The following SLC44A3 variants were observed in gnomAD, a reference collection of about 807,000 sequenced individuals.
SLC44A3 encodes solute carrier family 44 member 3.
A neutral mutation model predicts 75.4 loss-of-function variants in SLC44A3; 74 were observed. The observed-to-expected ratio is 0.98, with a 90% confidence interval of 0.81 to 1.19. The LOEUF is 1.19. Ranked by LOEUF, SLC44A3 falls within the 50% of genes most tolerant of loss-of-function variation. SLC44A3 has a pLI of 0.00. For synonymous variants in SLC44A3, 310 were observed against 296.9 expected, an observed-to-expected ratio of 1.04 and a Z score of -0.45; for missense variants, 700 against 778.6, an observed-to-expected ratio of 0.90 and a Z score of 1.20.
chr1:94,822,801 C>T (rs1025850849), intron 2 of SLC44A3, among the ~76,000 whole-genome samples: 1 of 152,186 alleles, frequency 6.6e-6, no homozygotes, highest in African/African-American at 2.4e-5. Context: ...TTGACAGTGA[C>T]TACCTTGGTG....
At chr1:94,837,973 T>C in intron 6 of SLC44A3, 102 bp downstream of exon 6, 1 of 1,067,456 alleles carries the variant, frequency 9.4e-7, no homozygotes, top group Non-Finnish European at 1.3e-6. Context: ...GTTTTAAATA[T>C]AAAACTCTGT....
chr1:94,877,272 G>A (rs1027263521), intron 12 of SLC44A3, among the ~76,000 whole-genome samples: 1 of 151,984 alleles, frequency 6.6e-6, no homozygotes, highest in Non-Finnish European at 1.5e-5. Context: ...CAAGGTGTTT[G>A]GTCTATATTG....
intron 9 of SLC44A3, among the ~76,000 whole-genome samples, chr1:94,851,372 C>T (rs1291714748): frequency 6.6e-6 from 1 of 152,206 alleles, no homozygotes; most frequent in Non-Finnish European, 1.5e-5. Flanking sequence ...AGCAGTTCTG[C>T]TCTCCAGGCC....
intron 9 of SLC44A3, among the ~76,000 whole-genome samples, chr1:94,851,434 C>G (rs1476347122): frequency 1.3e-5 from 2 of 152,148 alleles, no homozygotes; most frequent in Non-Finnish European, 2.9e-5. Flanking sequence ...ATATGCATCC[C>G]TTAGTGATAA....
At chr1:94,872,375 T>G (rs1190862691) in intron 12 of SLC44A3, among the ~76,000 whole-genome samples, 4 of 152,062 alleles carry the variant, frequency 2.6e-5, no homozygotes, top group Non-Finnish European at 5.9e-5. Flanking sequence ...GAATTACAGG[T>G]GTGAGCCACC....
intron 12 of SLC44A3, among the ~76,000 whole-genome samples, chr1:94,887,824 G>C (rs752869354): frequency 6.6e-6 from 1 of 152,078 alleles, no homozygotes; most frequent in African/African-American, 2.4e-5. Flanking sequence ...ACGATGCTGG[G>C]GGCTGGCAGG....
At chr1:94,831,119 G>C (rs1321348277) in intron 5 of SLC44A3, among the ~76,000 whole-genome samples, 1 of 152,188 alleles carries the variant, frequency 6.6e-6, no homozygotes. Flanking sequence ...CAAGCTGGGA[G>C]AAAGAGTCTC....
intron 7 of SLC44A3, among the ~76,000 whole-genome samples, chr1:94,840,582 G>A (rs927808163): frequency 1.1e-4 from 17 of 152,232 alleles, no homozygotes; most frequent in South Asian, 2.1e-4. Flanking sequence ...GAGTCACCAC[G>A]TCCAGCCATA....
At chr1:94,870,690 T>C (rs1667662491) in intron 12 of SLC44A3, among the ~76,000 whole-genome samples, 1 of 152,016 alleles carries the variant, frequency 6.6e-6, no homozygotes, top group Admixed American at 6.5e-5. Flanking sequence ...GTTTTTGTTT[T>C]CTTTTGTTTG....
At chr1:94,847,266 C>T (rs189767831) in intron 9 of SLC44A3, among the ~76,000 whole-genome samples, 36 of 152,336 alleles carry the variant, frequency 2.4e-4, no homozygotes, top group African/African-American at 7.2e-4. Context: ...CTCAGGCACC[C>T]GCTTTCTTCT....
At chr1:94,837,645 A>T in intron 5 of SLC44A3, 66 bp from the exon 6 acceptor site, 1 of 1,464,870 alleles carries the variant, frequency 6.8e-7, no homozygotes, top group South Asian at 1.4e-5. Flanking sequence ...GAGAATGTTA[A>T]ATAAACATCT....
intron 12 of SLC44A3, among the ~76,000 whole-genome samples, chr1:94,887,826 G>C (rs77620855): frequency 0.014 from 2,087 of 152,230 alleles, 29 homozygotes; most frequent in South Asian, 0.024. Context: ...GATGCTGGGG[G>C]CTGGCAGGTG....
intron 10 of SLC44A3, among the ~76,000 whole-genome samples, chr1:94,860,129 C>T (rs538384281): frequency 3.9e-5 from 6 of 152,168 alleles, no homozygotes; most frequent in Admixed American, 6.5e-5. Flanking sequence ...TTAGGGAAAA[C>T]GGAGACAATG....
At chr1:94,822,001 T>C (rs560539350) in intron 2 of SLC44A3, among the ~76,000 whole-genome samples, 2 of 152,200 alleles carry the variant, frequency 1.3e-5, no homozygotes, top group Non-Finnish European at 1.5e-5. Context: ...GTTGGAACTC[T>C]CCCCTAGGAG....
At chr1:94,849,285 A>C (rs1408564415) in intron 9 of SLC44A3, among the ~76,000 whole-genome samples, 2 of 152,142 alleles carry the variant, frequency 1.3e-5, no homozygotes, top group East Asian at 3.9e-4. Context: ...GACCTATGGG[A>C]GGCATCTATG....
intron 1 of SLC44A3, 139 bp from the exon 2 acceptor site, chr1:94,820,810 C>A (rs925723647): frequency 3.5e-5 from 45 of 1,300,680 alleles, no homozygotes; most frequent in African/African-American, 7.4e-5. Context: ...CAGGTGGCCA[C>A]GTAAAAAAAT....
intron 11 of SLC44A3, among the ~76,000 whole-genome samples, chr1:94,866,582 G>T (rs925875385): frequency 5.9e-5 from 9 of 152,198 alleles, no homozygotes; most frequent in African/African-American, 1.9e-4. Flanking sequence ...CAGCCAGGCT[G>T]AAAAGTGTCC....
At chr1:94,847,267 G>A (rs1664527932) in intron 9 of SLC44A3, among the ~76,000 whole-genome samples, 2 of 152,188 alleles carry the variant, frequency 1.3e-5, no homozygotes, top group African/African-American at 2.4e-5. Flanking sequence ...TCAGGCACCC[G>A]CTTTCTTCTT....
At chr1:94,883,477 GCCTGGGTGTCAGAGTGAGA>G (rs1364564665) in intron 12 of SLC44A3, among the ~76,000 whole-genome samples, 2 of 152,160 alleles carry the variant, frequency 1.3e-5, no homozygotes, top group African/African-American at 4.8e-5. Context: ...CTATACTCCA[GCCTGGGTGTCAGAGTGAGA>G]CCCTGTTTCA....
Sources: allele counts gnomAD v4.1 joint callset (sites outside exome capture counted in the v4.1 genomes callset), GRCh38; gene constraint gnomAD v4.1.1; transcripts MANE v1.5; gene names NCBI Gene and HGNC (gene_info 2026-07-23, HGNC 2026-07-21).